The following CPNE8 variants were observed in gnomAD, a reference collection of about 807,000 sequenced individuals.
CPNE8 encodes the protein copine-8.
CPNE8 carries 45 observed loss-of-function variants against 81.5 expected under a neutral mutation model. The ratio of observed to expected loss-of-function variants is 0.55; its 90% confidence interval spans 0.44 to 0.71. The LOEUF (loss-of-function observed/expected upper bound fraction) is 0.71, where lower values mean the gene tolerates loss of function less well. Among genes scored for constraint, CPNE8 ranks in the 30% least tolerant of loss-of-function variants. The pLI is 0.00. For missense variants in CPNE8, 594 were observed against 672.1 expected, an observed-to-expected ratio of 0.88 and a Z score of 1.28; for synonymous variants, 252 against 226.3, an observed-to-expected ratio of 1.11 and a Z score of -1.02.
At chr12:38,856,439 T>C (rs1943736016) in intron 3 of CPNE8, among the ~76,000 whole-genome samples, 1 of 152,124 alleles carries the variant, frequency 6.6e-6, no homozygotes, top group Non-Finnish European at 1.5e-5. Context: ...TTGGTGAATA[T>C]GGATGTAAAA....
chr12:38,691,026 A>G (rs552724944), intron 15 of CPNE8, among the ~76,000 whole-genome samples: 143 of 152,310 alleles, frequency 9.4e-4, no homozygotes, highest in African/African-American at 3.4e-3. Flanking sequence ...ATAGAAAAGT[A>G]AGAATAAATA....
intron 3 of CPNE8, among the ~76,000 whole-genome samples, chr12:38,857,217 CA>C (rs1429810322): frequency 6.6e-6 from 1 of 152,002 alleles, no homozygotes; most frequent in African/African-American, 2.4e-5. Context: ...TTATTCATGC[CA>C]ATGTAGCCTT....
chr12:38,655,755 G>T (rs1484467833), intron 19 of CPNE8, among the ~76,000 whole-genome samples: 2 of 152,056 alleles, frequency 1.3e-5, no homozygotes, highest in Non-Finnish European at 2.9e-5. Flanking sequence ...TTTATGCAAT[G>T]AAGGTAGTCT....
At chr12:38,707,240 C>T (rs564477355) in intron 13 of CPNE8, among the ~76,000 whole-genome samples, 5 of 152,110 alleles carry the variant, frequency 3.3e-5, no homozygotes, top group South Asian at 2.1e-4. Context: ...CTTCAGCCTA[C>T]GAATTTGAGG....
At chr12:38,685,045 G>A (rs954724426) in intron 16 of CPNE8, among the ~76,000 whole-genome samples, 3 of 152,132 alleles carry the variant, frequency 2.0e-5, no homozygotes, top group Non-Finnish European at 2.9e-5. Context: ...ATTTCAGAGA[G>A]ATTAAAATAA....
At chr12:38,732,814 T>C (rs1268678180) in intron 10 of CPNE8, among the ~76,000 whole-genome samples, 2 of 151,950 alleles carry the variant, frequency 1.3e-5, no homozygotes, top group African/African-American at 2.4e-5. Flanking sequence ...AGATAGAACA[T>C]ACATAAATGA....
intron 6 of CPNE8, among the ~76,000 whole-genome samples, chr12:38,792,173 A>C (rs1201732142): frequency 6.6e-6 from 1 of 151,458 alleles, no homozygotes. Flanking sequence ...TACCTCAAAG[A>C]ACAAATAAAA....
upstream of CPNE8, chr12:38,906,677 G>A (rs1944576345): frequency 1.1e-6 from 1 of 900,844 alleles, no homozygotes; most frequent in Non-Finnish European, 1.3e-6. Context: ...ACGGAGTCGT[G>A]GCAAAAGCAT....
rs567881959 is a variant in CPNE8 at position 38,807,095 on chromosome 12, T to C, written c.407+22284A>G. ...AACTACAAACCACTGCTTAAGGAAA[T>C]AAAAGAGGACACAAACAAATGGAAG... On this transcript the variant is annotated intron_variant, in intron 6 of 19. Coordinates refer to ENST00000331366, the MANE Select transcript of CPNE8 (RefSeq NM_153634.3). Among the ~76,000 whole-genome samples, 61 of 152,010 alleles carry C rather than the reference T, an allele frequency of 4.0e-4. 2 individuals carry two copies. The South Asian group carries it at 0.012, about 30-fold the overall frequency.
chr12:38,879,723 A>G (rs996796314), intron 1 of CPNE8, among the ~76,000 whole-genome samples: 2 of 152,198 alleles, frequency 1.3e-5, no homozygotes, highest in African/African-American at 4.8e-5. Context: ...AATTTGAAAA[A>G]GACGACCTGT....
chr12:38,652,785 A>G lies in CPNE8; in HGVS notation c.*1097T>C, dbSNP rs1278113370. ...AAAAACCCTTTACAATTATTCGTGG[A>G]CAGGCAGGTCAGTATATAGGAGTAG... On this transcript the variant is annotated 3_prime_UTR_variant, in exon 20 of 20. Coordinates refer to ENST00000331366, the MANE Select transcript of CPNE8 (RefSeq NM_153634.3). 2.0e-5 allele frequency: 3 copies of G among 152,652 alleles called. No individual in the cohort carries two copies. Among genetic ancestry groups the G allele is most frequent in the African/African-American group, 7.2e-5 (3 of 41,456 alleles). 9.5% of individuals were successfully genotyped at this position (152,652 alleles called of 1,614,324 possible). A position where few individuals can be genotyped will look rare whatever the true frequency, so the allele number is the denominator to read the frequency against.
chr12:38,798,847 G>GA (rs1469977291), intron 6 of CPNE8, among the ~76,000 whole-genome samples: 2 of 152,096 alleles, frequency 1.3e-5, no homozygotes, highest in African/African-American at 4.8e-5. Context: ...TAAAAGGATG[G>GA]AGGAAGATCT....
chr12:38,738,673 C>T (rs139929595), intron 10 of CPNE8, among the ~76,000 whole-genome samples: 8 of 152,080 alleles, frequency 5.3e-5, no homozygotes, highest in South Asian at 4.2e-4. Context: ...TTTCAGCCAG[C>T]GGGGGATTGG....
intron 3 of CPNE8, among the ~76,000 whole-genome samples, chr12:38,859,195 A>AG (rs1943791447): frequency 6.6e-6 from 1 of 152,140 alleles, no homozygotes; most frequent in Non-Finnish European, 1.5e-5. Context: ...TTAAAAAAAA[A>AG]AATCCCAAAG....
intron 6 of CPNE8, among the ~76,000 whole-genome samples, chr12:38,824,551 G>C (rs1943158383): frequency 6.7e-6 from 1 of 148,654 alleles, no homozygotes; most frequent in South Asian, 2.1e-4. Context: ...AATAATTTAA[G>C]TTAGGCCATT....
At chr12:38,786,651 T>A (rs920924829) in intron 6 of CPNE8, among the ~76,000 whole-genome samples, 1 of 151,934 alleles carries the variant, frequency 6.6e-6, no homozygotes, top group Non-Finnish European at 1.5e-5. Context: ...TAATACAATA[T>A]CCCATGCAAA....
intron 15 of CPNE8, among the ~76,000 whole-genome samples, chr12:38,693,121 A>G (rs1411458829): frequency 6.6e-6 from 1 of 152,214 alleles, no homozygotes; most frequent in Admixed American, 6.5e-5. Flanking sequence ...ATGAATGAAC[A>G]TGAGCAAAGA....
intron 10 of CPNE8, among the ~76,000 whole-genome samples, chr12:38,754,758 A>G (rs1435704856): frequency 6.6e-6 from 1 of 152,132 alleles, no homozygotes; most frequent in Non-Finnish European, 1.5e-5. Context: ...GGAAGACTAG[A>G]TATGTCAATG....
intron 3 of CPNE8, among the ~76,000 whole-genome samples, chr12:38,849,739 C>T (rs888217573): frequency 1.8e-4 from 27 of 152,158 alleles, no homozygotes; most frequent in African/African-American, 5.8e-4. Context: ...ATCATACAGA[C>T]AAATTATAAC....
Sources: gnomAD v4.1 joint callset for allele counts (sites outside exome capture counted in the v4.1 genomes callset) on GRCh38, gnomAD v4.1.1 for gene constraint, MANE v1.5 for transcripts, NCBI Gene and HGNC (gene_info 2026-07-23, HGNC 2026-07-21) for gene names.